Variants in MACROD1 observed in about 807,000 individuals in gnomAD.
The protein encoded by MACROD1 is ADP-ribose glycohydrolase MACROD1.
In MACROD1, 31 loss-of-function variants were observed where a neutral mutation model predicts 41.4. That is an observed-to-expected ratio of 0.75 (90% CI 0.56 to 1.01). The LOEUF (loss-of-function observed/expected upper bound fraction) is 1.01, where lower values mean the gene tolerates loss of function less well. Ranked by LOEUF, MACROD1 falls within the 50% of genes least tolerant of loss-of-function variation. The pLI is 0.00. For missense variants in MACROD1, 473 were observed against 460.0 expected (o/e 1.03, Z -0.26); for synonymous variants, 252 against 203.4 (o/e 1.24, Z -2.03).
chr11:63,999,800 A>G, intron 5 of MACROD1, 37 bp from the exon 6 acceptor site: 2 of 1,586,342 alleles, frequency 1.3e-6, no homozygotes, highest in Non-Finnish European at 1.7e-6. Flanking sequence ...GCGGGGGTCT[A>G]CGCGGTCCTC....
chr11:64,134,888 C>T (rs1386278541), intron 3 of MACROD1, among the ~76,000 whole-genome samples: 1 of 152,230 alleles, frequency 6.6e-6, no homozygotes, highest in Non-Finnish European at 1.5e-5. Context: ...AGAGAAGCAG[C>T]CTTCTCCTAG....
At chr11:64,034,771 G>A (rs1429296788) in intron 3 of MACROD1, among the ~76,000 whole-genome samples, 1 of 152,228 alleles carries the variant, frequency 6.6e-6, no homozygotes, top group Non-Finnish European at 1.5e-5. Flanking sequence ...GACTGTGGGC[G>A]GTCTGAGGGT....
chr11:64,162,808 C>A (rs1945776067), intron 1 of MACROD1, among the ~76,000 whole-genome samples: 1 of 141,000 alleles, frequency 7.1e-6, no homozygotes, highest in Admixed American at 7.1e-5. Flanking sequence ...GAGCAAGACT[C>A]CATCTCAAAA....
chr11:64,132,976 G>A (rs1011493691), intron 3 of MACROD1, among the ~76,000 whole-genome samples: 1 of 152,198 alleles, frequency 6.6e-6, no homozygotes, highest in African/African-American at 2.4e-5. Flanking sequence ...TCCCCCCACT[G>A]CCCCGAGTCC....
chr11:64,035,793 G>A (rs1424953458), intron 3 of MACROD1, among the ~76,000 whole-genome samples: 2 of 121,396 alleles, frequency 1.6e-5, no homozygotes, highest in African/African-American at 6.0e-5. Context: ...GCCGCCGCGA[G>A]GGGAGAGGCG....
At chr11:64,158,764 T>TCATTAGGTTGGG (rs1945707696) in intron 1 of MACROD1, among the ~76,000 whole-genome samples, 1 of 152,188 alleles carries the variant, frequency 6.6e-6, no homozygotes, top group Non-Finnish European at 1.5e-5. Flanking sequence ...CAGCGCCAGA[T>TCATTAGGTTGGG]ACCGACAAGG....
intron 3 of MACROD1, among the ~76,000 whole-genome samples, chr11:64,113,097 G>A (rs540549170): frequency 6.6e-6 from 1 of 152,200 alleles, no homozygotes; most frequent in Non-Finnish European, 1.5e-5. Flanking sequence ...CTCCCTAGAT[G>A]GCCTGGGTTC....
At position 64,067,722 on chromosome 11, in the gene MACROD1, G is replaced by A. The variant is rs554336202; in HGVS notation, c.518-52441C>T. On this transcript the variant is annotated intron_variant, in intron 3 of 10. Transcript: ENST00000255681. This position sits in a 1 kb window ranked among gnomAD's most constrained non-coding sequence, Gnocchi z 4.6. Reference sequence around the variant, plus strand: ...CAGTGATTGCGGACACGCCCCTCGCGAGGCACCGCAGGCTGCCACCCCCAG... The same window carrying A: ...CAGTGATTGCGGACACGCCCCTCGCAAGGCACCGCAGGCTGCCACCCCCAG... Among the ~76,000 whole-genome samples the A allele has an allele frequency of 1.6e-4, 24 of 152,152 alleles. No homozygotes were observed. Among genetic ancestry groups the A allele is most frequent in the Non-Finnish European group, 3.5e-4 (24 of 68,026 alleles).
chr11:64,022,275 T>C lies in MACROD1; in HGVS notation c.518-6994A>G, dbSNP rs371206065. 8.0e-3 allele frequency among the ~76,000 whole-genome samples: 1,217 copies of C among 152,182 alleles called. 12 individuals are homozygous for C. The highest frequency in any genetic ancestry group is 0.026 in the African/African-American group (1,064 of 41,516). ...GCTACTGCAGTGTCCGGGTGACCCC[T>C]GCCTCCGGGATGCCTCTCAGACTTC... is the stretch of plus-strand genomic sequence containing the variant. On this transcript the variant is annotated intron_variant, in intron 3 of 10. Transcript: ENST00000255681.
In MACROD1 at chr11:64,005,865, T is replaced by C. The variant is rs1942902575; in HGVS notation, c.548-5522A>G. 2.6e-5 allele frequency among the ~76,000 whole-genome samples: 4 copies of C among 152,190 alleles called. No homozygotes were observed. The South Asian group carries it at 6.2e-4, about 24-fold the overall frequency. On this transcript the variant is annotated intron_variant, in intron 4 of 10. Transcript: ENST00000255681. ...GGGAGGCAGAGGTGTGAGCTGGGGT[T>C]TGAGGGAGGGGTGTGTCTCCCCTCC...
At chr11:64,130,953 G>A (rs1483150208) in intron 3 of MACROD1, among the ~76,000 whole-genome samples, 2 of 152,246 alleles carry the variant, frequency 1.3e-5, no homozygotes, top group African/African-American at 4.8e-5. Context: ...GAAGAGAACT[G>A]GCCGGCCCGG....
intron 4 of MACROD1, among the ~76,000 whole-genome samples, chr11:64,007,712 C>T (rs1000055061): frequency 1.6e-4 from 24 of 152,194 alleles, no homozygotes; most frequent in African/African-American, 5.8e-4. Flanking sequence ...ACAGCCCCCT[C>T]CCCCCTCGCC....
chr11:64,152,468 C>T, intron 1 of MACROD1, 75 bp from the exon 2 acceptor site: 1 of 1,159,960 alleles, frequency 8.6e-7, no homozygotes, highest in Non-Finnish European at 1.3e-6. Flanking sequence ...CATCTCCTTT[C>T]TTGCCTCATC....
chr11:64,035,654 C>G lies in MACROD1; in HGVS notation c.518-20373G>C, dbSNP rs1188572933. Among the ~76,000 whole-genome samples, 8 of 90,782 alleles carry G rather than the reference C, an allele frequency of 8.8e-5. No individual in the cohort carries two copies. The East Asian group carries it at 2.1e-3, about 24-fold the overall frequency. 59.6% of individuals were successfully genotyped at this position (90,782 alleles called of 152,430 possible). A position where few individuals can be genotyped will look rare whatever the true frequency, so the allele number is the denominator to read the frequency against. On this transcript the variant is annotated intron_variant, in intron 3 of 10. Coordinates refer to ENST00000255681, the MANE Select transcript of MACROD1 (RefSeq NM_014067.4). ...CTCCCCGGCTGGGCCAGAATCCCCG[C>G]GCGGCGGCGCAGCCTCCCGCGCCGG...
rs755599275 is a variant in MACROD1 at position 63,999,554 on chromosome 11, G to C, written c.793C>G (p.Pro265Ala). The part of the protein sequence containing the change: ...LEHRLRSVAF[P>A]CISTGVFGYP... ...CCAAACACGCCGGTGGAGATGCAGG[G>C]GAACGCCTGGGCGGGGAGGGGTGAG... Residue 265 changes from proline (P) to alanine (A), a missense_variant, in exon 7 of 11, where the codon CCC becomes GCC. Pro to Ala is a conservative substitution (Grantham distance 27). Coordinates refer to ENST00000255681, the MANE Select transcript of MACROD1 (RefSeq NM_014067.4). The C allele has an allele frequency of 6.2e-7, 1 of 1,609,860 alleles. No homozygotes were observed. Among genetic ancestry groups the C allele is most frequent in the Non-Finnish European group, 8.5e-7 (1 of 1,178,740 alleles).
intron 3 of MACROD1, among the ~76,000 whole-genome samples, chr11:64,069,475 T>A (rs1336232951): frequency 6.6e-6 from 1 of 152,104 alleles, no homozygotes; most frequent in Admixed American, 6.5e-5. Flanking sequence ...GCCAGTCTGG[T>A]CCCCTTTAGC....
chr11:64,075,605 G>A (rs1011031123), intron 3 of MACROD1, among the ~76,000 whole-genome samples: 1 of 152,230 alleles, frequency 6.6e-6, no homozygotes, highest in Non-Finnish European at 1.5e-5. Context: ...ATTCCATCCT[G>A]ATATGGAGTG....
At position 64,047,594 on chromosome 11, in the gene MACROD1, G is replaced by A. The variant is rs544484218; in HGVS notation, c.518-32313C>T. 2.1e-4 allele frequency among the ~76,000 whole-genome samples: 32 copies of A among 152,210 alleles called. No homozygotes were observed. The South Asian group carries it at 5.8e-3, about 28-fold the overall frequency. On this transcript the variant is annotated intron_variant, in intron 3 of 10. Coordinates refer to ENST00000255681, the MANE Select transcript of MACROD1 (RefSeq NM_014067.4). Reference sequence around the variant, plus strand: ...GCTCCATTTTACAGATGAGGAAACTGAGGTTAATAGAGGGAAGGAAGGCCG... The same window carrying A: ...GCTCCATTTTACAGATGAGGAAACTAAGGTTAATAGAGGGAAGGAAGGCCG...
At chr11:64,063,650 G>GT (rs1376282053) in intron 3 of MACROD1, among the ~76,000 whole-genome samples, 1 of 152,184 alleles carries the variant, frequency 6.6e-6, no homozygotes, top group Admixed American at 6.5e-5. Flanking sequence ...TTTGTGTGAC[G>GT]TGGGAGTGTG....
Sources: gnomAD v4.1 joint callset for allele counts (sites outside exome capture counted in the v4.1 genomes callset) on GRCh38, gnomAD v4.1.1 for gene constraint, Gnocchi (gnomAD v3.1) non-coding constraint, MANE v1.5 for transcripts, NCBI Gene and HGNC (gene_info 2026-07-23, HGNC 2026-07-21) for gene names.